Variants in OVOL2 observed in about 807,000 individuals in gnomAD.
OVOL2 encodes transcription factor Ovo-like 2.
OVOL2 carries 13 observed loss-of-function variants against 18.1 expected under a neutral mutation model. That is an observed-to-expected ratio of 0.72 (90% CI 0.47 to 1.14). The LOEUF is 1.14. Ranked by LOEUF, OVOL2 falls within the 50% of genes most tolerant of loss-of-function variation. The probability of loss-of-function intolerance (pLI) is 0.00; values close to 1 mark genes in which losing one functional copy is unlikely to be tolerated. For missense variants in OVOL2, 335 were observed against 383.0 expected (o/e 0.87, Z 1.05); for synonymous variants, 166 against 162.7 (o/e 1.02, Z -0.16).
Position 18,025,566 on chromosome 20 carries a change from T to TA in OVOL2, c.512-615dup, listed in dbSNP as rs975000877. Among the ~76,000 whole-genome samples, 10 of 151,212 alleles carry TA rather than the reference T, an allele frequency of 6.6e-5. No homozygotes were observed. In the South Asian group the frequency reaches 1.7e-3, roughly 25 times the overall value. The stretch of plus-strand genomic sequence containing the variant: ...TCTGGGCAACAGAGTGAGACTCCAT[T>TA]AAAAAAAAATTAATTTGGGTATTCC... On this transcript the variant is annotated intron_variant, in intron 3 of 3. Coordinates refer to ENST00000278780, the MANE Select transcript of OVOL2 (RefSeq NM_021220.4).
rs535048545 is a variant in OVOL2 at position 18,048,383 on chromosome 20, A to T, written c.322-6660T>A. Among the ~76,000 whole-genome samples, 48 of 152,322 alleles carry T rather than the reference A, an allele frequency of 3.2e-4. No individual in the cohort carries two copies. The South Asian group carries it at 7.5e-3, about 24-fold the overall frequency. ...TAAAAAAAACAAAACGAAACTAAAA[A>T]GGGAGCCACTAGCTCCCAGTCCTTC... On this transcript the variant is annotated intron_variant, in intron 2 of 3. Transcript: ENST00000278780.
At chr20:18,050,928 G>A (rs561373076) in intron 2 of OVOL2, among the ~76,000 whole-genome samples, 2 of 152,194 alleles carry the variant, frequency 1.3e-5, no homozygotes, top group Non-Finnish European at 2.9e-5. Context: ...GCAGGTTACA[G>A]TGGAGCAGGG....
At chr20:18,049,706 G>A (rs1434804057) in intron 2 of OVOL2, among the ~76,000 whole-genome samples, 3 of 152,094 alleles carry the variant, frequency 2.0e-5, no homozygotes, top group African/African-American at 7.2e-5. Flanking sequence ...ACTTGCCCAC[G>A]GCCACATGAC....
At chr20:18,031,698 A>G (rs1232359193) in intron 3 of OVOL2, among the ~76,000 whole-genome samples, 3 of 152,254 alleles carry the variant, frequency 2.0e-5, no homozygotes, top group Non-Finnish European at 4.4e-5. Flanking sequence ...CAACAAAAGG[A>G]AAGGATAATT....
At chr20:18,057,931 G>A, upstream of OVOL2, 2 of 1,228,474 alleles carry the variant, frequency 1.6e-6, no homozygotes, top group East Asian at 3.8e-5. The surrounding 1 kb of genome is among the most constrained non-coding windows in gnomAD (Gnocchi z 6.3). Context: ...CTGAGCATGC[G>A]CCCTGCAACA....
At chr20:18,047,853 CAAAAAAAAAAAA>C (rs34668253) in intron 2 of OVOL2, among the ~76,000 whole-genome samples, 1 of 47,150 alleles carries the variant, frequency 2.1e-5, no homozygotes, top group African/African-American at 8.6e-5. Flanking sequence ...GACTCCGTCT[CAAAAAAAAAAAA>C]AAAAAAAAAA....
Position 18,056,588 on chromosome 20 carries a change from G to T in OVOL2, c.321+69C>A. 1 of 1,297,236 alleles carries T rather than the reference G, an allele frequency of 7.7e-7. No individual in the cohort carries two copies. Among genetic ancestry groups the T allele is most frequent in the Non-Finnish European group, 9.8e-7 (1 of 1,020,580 alleles). 80.4% of individuals were successfully genotyped at this position (1,297,236 alleles called of 1,614,324 possible). ...GCGCAGGCGGGCGCGGCAGGGAGGG[G>T]CGCCGGCCTCGGGAGCCCGACGCCA... On this transcript the variant is annotated intron_variant, in intron 2 of 3. Transcript: ENST00000278780. The surrounding 1 kb of genome is among the most constrained non-coding windows in gnomAD (Gnocchi z 4.2).
At chr20:18,027,444 C>T (rs1379617629) in intron 3 of OVOL2, among the ~76,000 whole-genome samples, 2 of 151,384 alleles carry the variant, frequency 1.3e-5, no homozygotes, top group East Asian at 3.9e-4. Flanking sequence ...AGGAGAATTG[C>T]TTGAACCCAG....
At chr20:18,047,942 T>C (rs1362003111) in intron 2 of OVOL2, among the ~76,000 whole-genome samples, 1 of 151,962 alleles carries the variant, frequency 6.6e-6, no homozygotes, top group Non-Finnish European at 1.5e-5. Context: ...CTATTATAGT[T>C]AGACCAACTC....
intron 2 of OVOL2, 90 bp from the exon 3 acceptor site, chr20:18,041,813 G>T: frequency 8.0e-7 from 1 of 1,253,572 alleles, no homozygotes. Flanking sequence ...GTGTCTTGAG[G>T]CTGCCCTGTC....
At position 18,056,943 on chromosome 20, in the gene OVOL2, T is replaced by C. The variant is rs2036834384; in HGVS notation, c.101-66A>G. The C allele has an allele frequency of 2.1e-6, 3 of 1,401,820 alleles. No individual in the cohort carries two copies. Among genetic ancestry groups the C allele is most frequent in the Non-Finnish European group, 9.2e-7 (1 of 1,087,674 alleles). 86.8% of individuals were successfully genotyped at this position (1,401,820 alleles called of 1,614,324 possible). On this transcript the variant is annotated intron_variant, in intron 1 of 3. Coordinates refer to ENST00000278780, the MANE Select transcript of OVOL2 (RefSeq NM_021220.4). This position sits in a 1 kb window ranked among gnomAD's most constrained non-coding sequence, Gnocchi z 4.2. The stretch of plus-strand genomic sequence containing the variant: ...GTCAACCCGCACGCCCGCGGCAGTT[T>C]GACCTGCGGGCGGTGCTGCCGCCGC...
At chr20:18,038,142 T>G (rs956515583) in intron 3 of OVOL2, among the ~76,000 whole-genome samples, 1 of 152,190 alleles carries the variant, frequency 6.6e-6, no homozygotes, top group Non-Finnish European at 1.5e-5. Flanking sequence ...GCTGTTTCAC[T>G]TGTCTCACAG....
chr20:18,054,778 AAAAAGAAAG>A (rs1188713645), intron 2 of OVOL2, among the ~76,000 whole-genome samples: 8 of 140,306 alleles, frequency 5.7e-5, no homozygotes, highest in African/African-American at 2.3e-4. Context: ...AAAAAAAAAA[AAAAAGAAAG>A]AAAAGAAAAG....
intron 3 of OVOL2, among the ~76,000 whole-genome samples, chr20:18,034,626 T>TC (rs2036598587): frequency 7.2e-6 from 1 of 138,050 alleles, no homozygotes; most frequent in Non-Finnish European, 1.5e-5. Context: ...CTTCCCCTCT[T>TC]TCTCTCTCTC....
intron 3 of OVOL2, among the ~76,000 whole-genome samples, chr20:18,028,129 AGGT>A (rs1006090813): frequency 3.9e-5 from 6 of 152,124 alleles, no homozygotes; most frequent in African/African-American, 1.2e-4. Context: ...CCCAGGCACT[AGGT>A]CAGGGGCTGG....
chr20:18,034,494 C>T (rs1244991037), intron 3 of OVOL2, among the ~76,000 whole-genome samples: 1 of 152,156 alleles, frequency 6.6e-6, no homozygotes, highest in Non-Finnish European at 1.5e-5. Flanking sequence ...GCTTCCAAAC[C>T]CCACCTAAGA....
rs563744740 is a variant in OVOL2 at position 18,057,113 on chromosome 20, A to T, written c.101-236T>A. 8.5e-5 allele frequency among the ~76,000 whole-genome samples: 13 copies of T among 152,264 alleles called. No individual in the cohort carries two copies. On this transcript the variant is annotated intron_variant, in intron 1 of 3. Coordinates refer to ENST00000278780, the MANE Select transcript of OVOL2 (RefSeq NM_021220.4). This position sits in a 1 kb window ranked among gnomAD's most constrained non-coding sequence, Gnocchi z 6.3. ...GGCGCCCACGAGGAACCGGGCGGCCACGAGCGGCGGAGGACCCCGCGCGCC... is the reference window on the plus strand; with the variant it reads ...GGCGCCCACGAGGAACCGGGCGGCCTCGAGCGGCGGAGGACCCCGCGCGCC...
intron 2 of OVOL2, among the ~76,000 whole-genome samples, chr20:18,047,996 C>G (rs113971598): frequency 1.0e-3 from 158 of 151,366 alleles, no homozygotes; most frequent in African/African-American, 3.6e-3. Context: ...GTCAAAATTT[C>G]TTGTTTCTCG....
intron 2 of OVOL2, among the ~76,000 whole-genome samples, chr20:18,053,332 C>A (rs543072083): frequency 6.6e-6 from 1 of 152,172 alleles, no homozygotes; most frequent in East Asian, 1.9e-4. Context: ...GAGGCTGATT[C>A]TTTGAGTCCT....
Sources: allele counts gnomAD v4.1 joint callset (sites outside exome capture counted in the v4.1 genomes callset), GRCh38; gene constraint gnomAD v4.1.1; non-coding constraint Gnocchi (gnomAD v3.1); transcripts MANE v1.5; gene names NCBI Gene and HGNC (gene_info 2026-07-23, HGNC 2026-07-21).